The following PARP16 variants were observed in gnomAD, a reference collection of about 807,000 sequenced individuals.
The protein encoded by PARP16 is protein mono-ADP-ribosyltransferase PARP16.
PARP16 carries 31 observed loss-of-function variants against 35.0 expected under a neutral mutation model. That is an observed-to-expected ratio of 0.88 (90% CI 0.66 to 1.19). PARP16 has a LOEUF of 1.19. PARP16 is among the 50% of genes most tolerant of loss of function. The pLI is 0.00. For synonymous variants in PARP16, 162 were observed against 169.5 expected (o/e 0.96, Z 0.34); for missense variants, 424 against 411.2 (o/e 1.03, Z -0.27).
chr15:65,261,796 TTCTTAGAAC>T (rs2089727280), intron 4 of PARP16, among the ~76,000 whole-genome samples: 1 of 151,990 alleles, frequency 6.6e-6, no homozygotes, highest in Admixed American at 6.6e-5. Context: ...GGATTTGAGG[TTCTTAGAAC>T]ATTTATCTTC....
chr15:65,237,979 G>A (rs888557027), intron 3 of PARP16, among the ~76,000 whole-genome samples: 4 of 152,074 alleles, frequency 2.6e-5, no homozygotes, highest in African/African-American at 7.2e-5. Context: ...CCATTCACTT[G>A]GCTTTAAAAT....
At chr15:65,257,538 GA>G (rs2089552126), downstream of PARP16, among the ~76,000 whole-genome samples, 1 of 150,754 alleles carries the variant, frequency 6.6e-6, no homozygotes, top group Non-Finnish European at 1.5e-5. Flanking sequence ...GCTAAGGCAG[GA>G]AAACTGCTTG....
chr15:65,242,304 A>G (rs947914708), intron 3 of PARP16, among the ~76,000 whole-genome samples: 3 of 152,228 alleles, frequency 2.0e-5, no homozygotes, highest in Non-Finnish European at 4.4e-5. Flanking sequence ...AGGTAGGGCC[A>G]GTAATCTAAT....
intron 3 of PARP16, among the ~76,000 whole-genome samples, chr15:65,246,069 T>C (rs1018687407): frequency 4.6e-5 from 7 of 151,986 alleles, no homozygotes; most frequent in South Asian, 2.1e-4. Context: ...GGGATGGCCA[T>C]TGGGGTGGCC....
chr15:65,232,321 T>C (rs2088786997), downstream of PARP16, among the ~76,000 whole-genome samples: 1 of 152,198 alleles, frequency 6.6e-6, no homozygotes, highest in African/African-American at 2.4e-5. Flanking sequence ...GTAGTGTGTA[T>C]TGGAGTTTGC....
chr15:65,262,510 G>A (rs2089764716), intron 4 of PARP16, among the ~76,000 whole-genome samples: 1 of 152,156 alleles, frequency 6.6e-6, no homozygotes, highest in South Asian at 2.1e-4. Flanking sequence ...ACAATGGTGG[G>A]GGGAGACAAG....
At chr15:65,239,291 G>C (rs1172761830) in intron 3 of PARP16, among the ~76,000 whole-genome samples, 3 of 149,612 alleles carry the variant, frequency 2.0e-5, no homozygotes, top group Non-Finnish European at 3.0e-5. Flanking sequence ...GCCGGGTGTG[G>C]TGGTGTGCGC....
At chr15:65,242,324 C>T (rs903780251) in intron 3 of PARP16, among the ~76,000 whole-genome samples, 1 of 151,970 alleles carries the variant, frequency 6.6e-6, no homozygotes, top group South Asian at 2.1e-4. Context: ...TTGCATAATA[C>T]TTTAAAAAAT....
chr15:65,234,039 A>G (rs2088819127), downstream of PARP16, among the ~76,000 whole-genome samples: 1 of 152,222 alleles, frequency 6.6e-6, no homozygotes, highest in Non-Finnish European at 1.5e-5. Flanking sequence ...CTAGATCAGT[A>G]GTTCTTAACA....
intron 3 of PARP16, chr15:65,248,070 C>T (rs1295307838): frequency 2.3e-6 from 1 of 430,338 alleles, no homozygotes; most frequent in African/African-American, 2.0e-5. Flanking sequence ...TCCCAAAGTG[C>T]TGGGATTACA....
chr15:65,274,658 G>A (rs775823005), intron 1 of PARP16, among the ~76,000 whole-genome samples: 32 of 151,636 alleles, frequency 2.1e-4, no homozygotes, highest in Non-Finnish European at 2.6e-4. Context: ...ACTGTTCCAC[G>A]CCACCTGCTT....
At chr15:65,272,839 G>A (rs1319404325) in intron 1 of PARP16, among the ~76,000 whole-genome samples, 1 of 152,198 alleles carries the variant, frequency 6.6e-6, no homozygotes, top group Non-Finnish European at 1.5e-5. Flanking sequence ...CAGGAAGTTT[G>A]AAGAAGGTCA....
At chr15:65,261,927 G>T (rs973868565) in intron 4 of PARP16, among the ~76,000 whole-genome samples, 3 of 152,202 alleles carry the variant, frequency 2.0e-5, no homozygotes, top group Non-Finnish European at 4.4e-5. Context: ...CGTGACAGCA[G>T]AAGTTGGAAG....
chr15:65,276,731 A>G (rs2090269185), intron 1 of PARP16, among the ~76,000 whole-genome samples: 1 of 152,162 alleles, frequency 6.6e-6, no homozygotes, highest in South Asian at 2.1e-4. Flanking sequence ...TTAAAATCCC[A>G]GCACTTTGGG....
intron 3 of PARP16, among the ~76,000 whole-genome samples, chr15:65,238,421 T>C (rs2088950674): frequency 6.6e-6 from 1 of 152,230 alleles, no homozygotes; most frequent in South Asian, 2.1e-4. Flanking sequence ...CATCTGTCCC[T>C]GGCCCAGGCT....
chr15:65,256,907 T>C (rs1041907915), downstream of PARP16, among the ~76,000 whole-genome samples: 5 of 152,158 alleles, frequency 3.3e-5, no homozygotes, highest in African/African-American at 1.2e-4. Flanking sequence ...GGGAAGGAGA[T>C]TGGTTATGTG....
At chr15:65,253,225 G>A (rs898925749), downstream of PARP16, among the ~76,000 whole-genome samples, 1 of 151,312 alleles carries the variant, frequency 6.6e-6, no homozygotes, top group African/African-American at 2.4e-5. Flanking sequence ...TGGTGACATC[G>A]CAAATGGGAC....
intron 3 of PARP16, among the ~76,000 whole-genome samples, chr15:65,263,587 T>G (rs1375621573): frequency 1.3e-5 from 2 of 152,104 alleles, no homozygotes; most frequent in South Asian, 4.1e-4. Flanking sequence ...CAAGGTTGAG[T>G]GAGAAAAACA....
rs146857090 is a variant in PARP16, at chr15:65,251,204, C to T, written c.203-2976G>A. On this transcript the variant is annotated intron_variant and NMD_transcript_variant, in intron 2 of 3. Transcript: ENST00000559805. Reference sequence around the variant, plus strand: ...CCTGCCTCCCATCTCTTATTTTGCACAGGTTTGAGTGCCTTGTGGGGATAG... The same window carrying T: ...CCTGCCTCCCATCTCTTATTTTGCATAGGTTTGAGTGCCTTGTGGGGATAG... Among the ~76,000 whole-genome samples the T allele has an allele frequency of 3.0e-3, 459 of 152,190 alleles. 3 individuals are homozygous for T. Among genetic ancestry groups the T allele is most frequent in the African/African-American group, 0.011 (439 of 41,526 alleles).
Sources: gnomAD v4.1 joint callset for allele counts (sites outside exome capture counted in the v4.1 genomes callset) on GRCh38, gnomAD v4.1.1 for gene constraint, MANE v1.5 for transcripts, NCBI Gene and HGNC (gene_info 2026-07-23, HGNC 2026-07-21) for gene names.